Variants in SLC30A6 observed in about 807,000 individuals in gnomAD.
SLC30A6 encodes solute carrier family 30 member 6, also known as zinc transporter 6.
A neutral mutation model predicts 63.0 loss-of-function variants in SLC30A6; 55 were observed. The ratio of observed to expected loss-of-function variants is 0.87; its 90% CI spans 0.70 to 1.09. The LOEUF (loss-of-function observed/expected upper bound fraction) is 1.09, where lower values mean the gene tolerates loss of function less well. Among genes scored for constraint, SLC30A6 ranks in the 50% least tolerant of loss-of-function variants. The probability of loss-of-function intolerance (pLI) is 0.00; values close to 1 mark genes in which losing one functional copy is unlikely to be tolerated. For missense variants in SLC30A6, 587 were observed against 549.2 expected (o/e 1.07, Z -0.69); for synonymous variants, 224 against 186.1 (o/e 1.20, Z -1.66).
chr2:32,187,285 T>C, intron 5 of SLC30A6: 1 of 468,996 alleles, frequency 2.1e-6, no homozygotes, highest in East Asian at 6.9e-5. Context: ...AAATTACTAC[T>C]GTTAAAATAA....
At chr2:32,180,911 T>C (rs1304425149) in intron 4 of SLC30A6, among the ~76,000 whole-genome samples, 1 of 152,216 alleles carries the variant, frequency 6.6e-6, no homozygotes, top group Non-Finnish European at 1.5e-5. Flanking sequence ...AGTTTCTTTC[T>C]TTAGAGGCTC....
intron 13 of SLC30A6, among the ~76,000 whole-genome samples, chr2:32,210,550 G>GAAAAAAA (rs1685176241): frequency 7.1e-6 from 1 of 140,172 alleles, no homozygotes; most frequent in African/African-American, 2.6e-5. Flanking sequence ...AACAGAAAAT[G>GAAAAAAA]AGATCATGCT....
chr2:32,207,480 G>T (rs1051730977), intron 12 of SLC30A6, among the ~76,000 whole-genome samples: 5 of 151,558 alleles, frequency 3.3e-5, no homozygotes, highest in African/African-American at 1.2e-4. Context: ...AGGTTCAAGT[G>T]ATTCTCCTGC....
At chr2:32,167,087 G>A (rs1379471076) in intron 1 of SLC30A6, among the ~76,000 whole-genome samples, 1 of 150,116 alleles carries the variant, frequency 6.7e-6, no homozygotes, top group Non-Finnish European at 1.5e-5. Context: ...TTTTGTTGTT[G>A]TTTTCGAGAC....
At chr2:32,171,432 G>A in intron 2 of SLC30A6, 59 bp downstream of exon 2, 1 of 1,372,760 alleles carries the variant, frequency 7.3e-7, no homozygotes. Flanking sequence ...TAACATTGAA[G>A]AAAGATAATT....
At chr2:32,167,373 C>T (rs1680774884) in intron 1 of SLC30A6, among the ~76,000 whole-genome samples, 1 of 144,012 alleles carries the variant, frequency 6.9e-6, no homozygotes, top group African/African-American at 2.6e-5. Context: ...CCGTGCCAGG[C>T]CACAAACTCT....
chr2:32,198,939 T>C (rs1000036373), intron 10 of SLC30A6, among the ~76,000 whole-genome samples: 1 of 152,162 alleles, frequency 6.6e-6, no homozygotes, highest in African/African-American at 2.4e-5. Flanking sequence ...CTCCAGAACC[T>C]TTTTCCTCCT....
chr2:32,192,983 C>A, intron 7 of SLC30A6, 30 bp downstream of exon 7: 1 of 1,327,336 alleles, frequency 7.5e-7, no homozygotes, highest in Non-Finnish European at 1.0e-6. Context: ...ATATAATTTA[C>A]TATTGATTCT....
intron 10 of SLC30A6, chr2:32,201,479 A>G (rs907068664): frequency 2.1e-5 from 9 of 429,064 alleles, no homozygotes; most frequent in African/African-American, 4.1e-5. Flanking sequence ...ATCAAAAATT[A>G]CTAGTTGAAT....
At chr2:32,203,859 G>A (rs1684509110) in intron 10 of SLC30A6, 4 of 1,188,010 alleles carry the variant, frequency 3.4e-6, no homozygotes, top group Admixed American at 1.7e-5. Context: ...GTGGCCAGTC[G>A]GGCCGATCAG....
intron 3 of SLC30A6, 95 bp downstream of exon 3, chr2:32,174,242 G>A: frequency 1.2e-6 from 1 of 841,702 alleles, no homozygotes; most frequent in Non-Finnish European, 1.8e-6. Context: ...ATATTATTCT[G>A]AAATGTATAT....
intron 11 of SLC30A6, among the ~76,000 whole-genome samples, chr2:32,204,944 A>T (rs959286645): frequency 6.6e-6 from 1 of 151,566 alleles, no homozygotes; most frequent in African/African-American, 2.4e-5. Context: ...CTCCTGAGTA[A>T]CAAACTACAG....
intron 13 of SLC30A6, among the ~76,000 whole-genome samples, chr2:32,213,571 A>G (rs1685437926): frequency 6.6e-6 from 1 of 151,890 alleles, no homozygotes; most frequent in Non-Finnish European, 1.5e-5. Context: ...TACACCTTTT[A>G]TTTGGGTTTT....
At chr2:32,202,231 A>G in intron 10 of SLC30A6, 2 of 793,124 alleles carry the variant, frequency 2.5e-6, no homozygotes, top group Non-Finnish European at 3.8e-6. Context: ...ATATGAAGGA[A>G]AAGATTTAAT....
chr2:32,194,371 A>G lies in SLC30A6; in HGVS notation c.496+388A>G, dbSNP rs181743016. Among the ~76,000 whole-genome samples the G allele has an allele frequency of 4.2e-3, 636 of 152,340 alleles. 9 individuals are homozygous for G. Among genetic ancestry groups the G allele is most frequent in the African/African-American group, 0.015 (626 of 41,586 alleles). On this transcript the variant is annotated intron_variant, in intron 8 of 13. Coordinates refer to ENST00000282587, the MANE Select transcript of SLC30A6 (RefSeq NM_017964.5). ...TAATTGAAAATAATTGTATTCTGTTAATAAAGTAAGTTCCCAGGAACTTCT... is the reference window on the plus strand; with the variant it reads ...TAATTGAAAATAATTGTATTCTGTTGATAAAGTAAGTTCCCAGGAACTTCT...
intron 2 of SLC30A6, among the ~76,000 whole-genome samples, chr2:32,173,834 AATTT>A (rs1681459135): frequency 6.6e-6 from 1 of 152,178 alleles, no homozygotes; most frequent in South Asian, 2.1e-4. Flanking sequence ...TCTATGTCAG[AATTT>A]ATTTTCTCTT....
intron 4 of SLC30A6, among the ~76,000 whole-genome samples, chr2:32,182,545 G>A (rs1225694035): frequency 2.0e-5 from 3 of 152,080 alleles, no homozygotes; most frequent in African/African-American, 7.2e-5. Flanking sequence ...GGGTGTTAAT[G>A]GAATCTGAGG....
rs142463182 is a variant in SLC30A6 at position 32,209,543 on chromosome 2, C to G, written c.867C>G (p.Thr289=). Residue 289 remains threonine, a synonymous_variant, in exon 13 of 14, where the codon ACC becomes ACG. Coordinates refer to ENST00000282587, the MANE Select transcript of SLC30A6 (RefSeq NM_017964.5). ...VLEVRNEHFW[T]LGFGSLAGSV... The stretch of plus-strand genomic sequence containing the variant: ...AAGTCCGAAATGAACATTTTTGGAC[C>G]CTAGGTTTTGGCTCATTGGTATGTT... 3.1e-6 allele frequency: 5 copies of G among 1,611,502 alleles called. No homozygotes were observed. In the African/African-American group the frequency reaches 6.7e-5, roughly 22 times the overall value.
chr2:32,217,334 C>G (rs933903248), intron 13 of SLC30A6, among the ~76,000 whole-genome samples: 58 of 152,150 alleles, frequency 3.8e-4, no homozygotes, highest in Admixed American at 6.5e-5. Flanking sequence ...AGTCCTTTCC[C>G]CACTGCCTAT....
Sources: gnomAD v4.1 joint callset for allele counts (sites outside exome capture counted in the v4.1 genomes callset) on GRCh38, gnomAD v4.1.1 for gene constraint, MANE v1.5 for transcripts, NCBI Gene and HGNC (gene_info 2026-07-23, HGNC 2026-07-21) for gene names.